Variants in SGPL1 observed in about 807,000 individuals in gnomAD.
SGPL1 encodes the protein sphingosine-1-phosphate lyase 1.
A neutral mutation model predicts 68.9 loss-of-function variants in SGPL1; 37 were observed. That is an observed-to-expected ratio of 0.54 (90% CI 0.41 to 0.71). SGPL1 has a LOEUF of 0.71. Ranked by LOEUF, SGPL1 falls within the 30% of genes least tolerant of loss-of-function variation. The pLI, the probability that SGPL1 is intolerant of heterozygous loss-of-function variation, is 0.00. For synonymous variants in SGPL1, 236 were observed against 248.5 expected, an observed-to-expected ratio of 0.95 and a Z score of 0.47; for missense variants, 551 against 704.6, an observed-to-expected ratio of 0.78 and a Z score of 2.47.
chr10:70,870,551 A>G (rs1846273753), intron 9 of SGPL1, among the ~76,000 whole-genome samples: 1 of 151,870 alleles, frequency 6.6e-6, no homozygotes, highest in Non-Finnish European at 1.5e-5. Flanking sequence ...ATTGGCTTAA[A>G]TTAATACCAT....
Position 70,875,532 on chromosome 10 carries a change from T to A in SGPL1, c.1429T>A (p.Leu477Met), listed in dbSNP as rs761963636. ...MTAKGWNLNQ[L>M]QFPPSIHFCI... ...TGCTAAGGGGTGGAACTTGAACCAG[T>A]TGCAGTTCCCACCCAGGTAAGCTTG... Residue 477 changes from leucine (L) to methionine (M), a missense_variant, in exon 13 of 15, where the codon TTG (leucine) becomes ATG (methionine). Coordinates refer to ENST00000373202, the MANE Select transcript of SGPL1 (RefSeq NM_003901.4). 2 of 1,610,234 alleles carry A rather than the reference T, an allele frequency of 1.2e-6. No individual in the cohort carries two copies. The highest frequency in any genetic ancestry group is 2.2e-5 in the South Asian group (2 of 90,336).
intron 2 of SGPL1, among the ~76,000 whole-genome samples, chr10:70,818,935 G>A (rs1351824975): frequency 6.6e-6 from 1 of 152,084 alleles, no homozygotes; most frequent in Non-Finnish European, 1.5e-5. Context: ...CCTCTACCCC[G>A]TGCAGTAATT....
chr10:70,865,728 T>G (rs1056711420), intron 7 of SGPL1, among the ~76,000 whole-genome samples: 1 of 152,252 alleles, frequency 6.6e-6, no homozygotes, highest in African/African-American at 2.4e-5. Context: ...TTAAACTATC[T>G]TTCCTTCTAT....
chr10:70,864,720 T>G (rs1036283008), intron 7 of SGPL1, among the ~76,000 whole-genome samples: 3 of 152,250 alleles, frequency 2.0e-5, no homozygotes, highest in Admixed American at 2.0e-4. Context: ...TTAGTTTGTT[T>G]GCATAGTTTC....
chr10:70,858,063 G>A (rs557463416), intron 6 of SGPL1, among the ~76,000 whole-genome samples: 13 of 152,246 alleles, frequency 8.5e-5, no homozygotes, highest in African/African-American at 2.6e-4. Flanking sequence ...CCCAAGATGA[G>A]CAGTGGTCTC....
rs1194614802 is a variant in SGPL1, at chr10:70,861,819, A to T, written c.615+2320A>T. On this transcript the variant is annotated intron_variant, in intron 7 of 14. Coordinates refer to ENST00000373202, the MANE Select transcript of SGPL1 (RefSeq NM_003901.4). ...CTGCGGAGGGGGTTCTAGGTCCCCC[A>T]GTAGTGCCGGCCTACCGGCACTGCG... is the stretch of plus-strand genomic sequence containing the variant. Among the ~76,000 whole-genome samples, 5 of 152,196 alleles carry T rather than the reference A, an allele frequency of 3.3e-5. No individual in the cohort carries two copies. The East Asian group carries it at 9.6e-4, about 29-fold the overall frequency.
chr10:70,870,300 GT>G (rs1846268106), intron 9 of SGPL1, among the ~76,000 whole-genome samples: 1 of 152,078 alleles, frequency 6.6e-6, no homozygotes, highest in South Asian at 2.1e-4. Flanking sequence ...GAGCCCAGGA[GT>G]TTGCGACCAG....
chr10:70,857,909 C>T (rs1203795624), intron 6 of SGPL1, among the ~76,000 whole-genome samples: 1 of 152,158 alleles, frequency 6.6e-6, no homozygotes, highest in Non-Finnish European at 1.5e-5. Context: ...TTTATGTTTT[C>T]AGTCTTTGCA....
At chr10:70,847,170 C>T (rs1431479741) in intron 3 of SGPL1, among the ~76,000 whole-genome samples, 7 of 151,660 alleles carry the variant, frequency 4.6e-5, no homozygotes, top group East Asian at 1.9e-4. Context: ...GTTTTTGAGA[C>T]GGAGTCTCAC....
intron 13 of SGPL1, among the ~76,000 whole-genome samples, chr10:70,876,001 G>A (rs1846378570): frequency 1.3e-5 from 2 of 152,162 alleles, no homozygotes; most frequent in Admixed American, 1.3e-4. Context: ...CTCCAACTGA[G>A]TACAGGTCTG....
At chr10:70,818,120 TTTTG>T (rs949703664) in intron 2 of SGPL1, among the ~76,000 whole-genome samples, 13 of 152,088 alleles carry the variant, frequency 8.5e-5, no homozygotes, top group Admixed American at 3.3e-4. Context: ...TTTTGTTTTG[TTTTG>T]TTTGTTTGTT....
intron 2 of SGPL1, among the ~76,000 whole-genome samples, chr10:70,822,508 TA>T (rs1198548816): frequency 6.6e-6 from 1 of 152,226 alleles, no homozygotes; most frequent in Middle Eastern, 3.2e-3. Flanking sequence ...AGCCTGGGTT[TA>T]AGAATTTCCA....
rs1372596711 is a variant in SGPL1 at position 70,851,083 on chromosome 10, A to G, written c.194-60A>G. ...GTGGAAGACACATTGAATGGTTGCT[A>G]TATGCCAGGTCATATCCATGGAAAT... On this transcript the variant is annotated intron_variant, in intron 3 of 14. Transcript: ENST00000373202. 2.4e-5 allele frequency: 32 copies of G among 1,321,474 alleles called. No homozygotes were observed. In the East Asian group the frequency reaches 4.6e-4, roughly 19 times the overall value. 81.9% of individuals were successfully genotyped at this position (1,321,474 alleles called of 1,614,324 possible).
chr10:70,864,516 G>T (rs1207366556), intron 7 of SGPL1, among the ~76,000 whole-genome samples: 1 of 152,008 alleles, frequency 6.6e-6, no homozygotes, highest in African/African-American at 2.4e-5. Context: ...TACTGGCTTT[G>T]TTTTTTTAGG....
chr10:70,823,524 C>T (rs557444773), intron 2 of SGPL1, among the ~76,000 whole-genome samples: 6 of 140,452 alleles, frequency 4.3e-5, no homozygotes, highest in South Asian at 2.3e-4. Context: ...CACTAGGCCA[C>T]GAACCAATAT....
At chr10:70,864,202 A>G (rs1846136629) in intron 7 of SGPL1, among the ~76,000 whole-genome samples, 1 of 152,118 alleles carries the variant, frequency 6.6e-6, no homozygotes, top group African/African-American at 2.4e-5. Context: ...CGTCTATTTG[A>G]AAGCCCCTTT....
At chr10:70,856,772 C>T (rs990300613) in intron 5 of SGPL1, among the ~76,000 whole-genome samples, 1 of 152,174 alleles carries the variant, frequency 6.6e-6, no homozygotes, top group Non-Finnish European at 1.5e-5. Flanking sequence ...TGGTGTGTTT[C>T]CGTAATAGCT....
chr10:70,823,370 A>T (rs1845376097), intron 2 of SGPL1, among the ~76,000 whole-genome samples: 1 of 152,132 alleles, frequency 6.6e-6, no homozygotes, highest in Non-Finnish European at 1.5e-5. Context: ...CTTAACTTTT[A>T]TCCTACATAA....
intron 13 of SGPL1, 27 bp from the exon 14 acceptor site, chr10:70,876,514 C>A: frequency 6.3e-7 from 1 of 1,588,984 alleles, no homozygotes; most frequent in South Asian, 1.2e-5. Flanking sequence ...CTTCAAGGTT[C>A]ATCTCTCTCT....
Sources: gnomAD v4.1 joint callset for allele counts (sites outside exome capture counted in the v4.1 genomes callset) on GRCh38, gnomAD v4.1.1 for gene constraint, MANE v1.5 for transcripts, NCBI Gene and HGNC (gene_info 2026-07-23, HGNC 2026-07-21) for gene names.